PAX5: variants seen among roughly 807,000 people sequenced by gnomAD.
The protein encoded by PAX5 is paired box protein Pax-5.
A neutral mutation model predicts 43.7 loss-of-function variants in PAX5; 9 were observed. The observed-to-expected ratio is 0.21, with a 90% confidence interval of 0.12 to 0.36. The LOEUF (loss-of-function observed/expected upper bound fraction) is 0.36. Ranked by LOEUF, PAX5 falls within the 10% of genes least tolerant of loss-of-function variation. PAX5 has a pLI of 1.00. For missense variants in PAX5, 383 were observed against 532.7 expected (o/e 0.72, Z 2.77); for synonymous variants, 228 against 214.3 (o/e 1.06, Z -0.56).
chr9:36,962,867 A>G (rs558339135), intron 6 of PAX5, among the ~76,000 whole-genome samples: 7 of 152,148 alleles, frequency 4.6e-5, no homozygotes, highest in Non-Finnish European at 1.0e-4. Flanking sequence ...CTCCGCGGCC[A>G]GCACCTCAGG....
chr9:37,013,045 T>C (rs1196488540), intron 3 of PAX5, among the ~76,000 whole-genome samples: 2 of 151,976 alleles, frequency 1.3e-5, no homozygotes, highest in East Asian at 3.9e-4. Flanking sequence ...AGCCCAGGAG[T>C]TCGATACCAG....
At chr9:36,923,531 C>A in intron 6 of PAX5, 47 bp from the exon 7 acceptor site, 1 of 1,569,898 alleles carries the variant, frequency 6.4e-7, no homozygotes, top group Non-Finnish European at 8.6e-7. Context: ...TCCACAGTAC[C>A]TTAGTCAAAT....
intron 6 of PAX5, among the ~76,000 whole-genome samples, chr9:36,948,925 C>G (rs1345843447): frequency 1.3e-5 from 2 of 152,238 alleles, no homozygotes; most frequent in East Asian, 1.9e-4. Context: ...TCTGATGTGG[C>G]AGAACACTCC....
rs16933789 is a variant in PAX5 at position 36,946,696 on chromosome 9, C to T, written c.780+19853G>A. Among the ~76,000 whole-genome samples the T allele has an allele frequency of 4.5e-3, 685 of 152,316 alleles. 5 individuals are homozygous for T. Among genetic ancestry groups the T allele is most frequent in the African/African-American group, 0.015 (607 of 41,562 alleles). On this transcript the variant is annotated intron_variant, in intron 6 of 9. Transcript: ENST00000358127. ...AAAACTACGTGCTAGAGATAGGTTA[C>T]GGTCACCAGGACACTTTGCGGTTTA...
At chr9:36,899,247 C>A (rs1036597577) in intron 7 of PAX5, among the ~76,000 whole-genome samples, 1 of 152,240 alleles carries the variant, frequency 6.6e-6, no homozygotes, top group Non-Finnish European at 1.5e-5. Context: ...CCCCCACAGT[C>A]CCATGCTCCT....
At chr9:37,022,278 A>T (rs1466241778) in intron 1 of PAX5, among the ~76,000 whole-genome samples, 2 of 152,248 alleles carry the variant, frequency 1.3e-5, no homozygotes, top group Non-Finnish European at 2.9e-5. Context: ...TAAAAGACAT[A>T]AGAAAAAGGA....
intron 6 of PAX5, among the ~76,000 whole-genome samples, chr9:36,949,737 C>T (rs1046722989): frequency 1.3e-5 from 2 of 152,184 alleles, no homozygotes; most frequent in Non-Finnish European, 2.9e-5. Context: ...AGCACACCAC[C>T]GTCCTCTCCT....
At chr9:36,924,783 A>AAGGAAG (rs1830494374) in intron 6 of PAX5, among the ~76,000 whole-genome samples, 3 of 19,830 alleles carry the variant, frequency 1.5e-4, no homozygotes, top group Non-Finnish European at 2.7e-4. Flanking sequence ...AAGGAAGGAA[A>AAGGAAG]AGAGAAAGGG....
At chr9:36,859,426 TG>T (rs537139411) in intron 8 of PAX5, among the ~76,000 whole-genome samples, 109 of 152,264 alleles carry the variant, frequency 7.2e-4, no homozygotes, top group African/African-American at 2.5e-3. Flanking sequence ...TCGGCTCTCC[TG>T]GTCACTCCTC....
At chr9:36,965,596 G>T (rs1404577460) in intron 6 of PAX5, among the ~76,000 whole-genome samples, 1 of 152,208 alleles carries the variant, frequency 6.6e-6, no homozygotes, top group Non-Finnish European at 1.5e-5. Flanking sequence ...AGGCTACACT[G>T]CTTGGACTGA....
At chr9:36,867,989 C>T (rs1204675322) in intron 8 of PAX5, among the ~76,000 whole-genome samples, 1 of 152,174 alleles carries the variant, frequency 6.6e-6, no homozygotes, top group Admixed American at 6.5e-5. Context: ...GCGTTCCCGG[C>T]CCCGGGAGGA....
chr9:36,851,699 TG>T (rs965158789), intron 8 of PAX5, among the ~76,000 whole-genome samples: 2 of 152,114 alleles, frequency 1.3e-5, no homozygotes, highest in Non-Finnish European at 2.9e-5. Flanking sequence ...AAAGGCATGG[TG>T]GGGCCAGAGG....
intron 5 of PAX5, among the ~76,000 whole-genome samples, chr9:36,970,895 C>T (rs1834878955): frequency 6.6e-6 from 1 of 152,198 alleles, no homozygotes; most frequent in Non-Finnish European, 1.5e-5. Context: ...GTGCTATGAG[C>T]TACCTTCGGG....
chr9:36,857,853 G>A (rs1018162742), intron 8 of PAX5, among the ~76,000 whole-genome samples: 6 of 152,246 alleles, frequency 3.9e-5, no homozygotes, highest in East Asian at 1.9e-4. Flanking sequence ...GATACTGGCC[G>A]ATAAACCCAA....
chr9:37,027,597 G>A (rs1169867232), intron 1 of PAX5, among the ~76,000 whole-genome samples: 1 of 152,176 alleles, frequency 6.6e-6, no homozygotes, highest in Non-Finnish European at 1.5e-5. Context: ...GGCTCTGACT[G>A]CCTGCGTTGC....
chr9:36,887,880 G>A (rs1827033606), intron 7 of PAX5, among the ~76,000 whole-genome samples: 1 of 152,172 alleles, frequency 6.6e-6, no homozygotes, highest in Non-Finnish European at 1.5e-5. Flanking sequence ...TCATATGTCT[G>A]ATAAAGGACT....
chr9:36,859,480 C>T (rs1823988739), intron 8 of PAX5, among the ~76,000 whole-genome samples: 2 of 152,206 alleles, frequency 1.3e-5, no homozygotes, highest in African/African-American at 4.8e-5. Flanking sequence ...CTCCCCCTGC[C>T]AGCCTCAGGG....
At chr9:36,878,199 T>C (rs1267320156) in intron 8 of PAX5, among the ~76,000 whole-genome samples, 1 of 152,146 alleles carries the variant, frequency 6.6e-6, no homozygotes, top group Non-Finnish European at 1.5e-5. Context: ...GCCACCAGGT[T>C]TGGGGAGATT....
intron 7 of PAX5, among the ~76,000 whole-genome samples, chr9:36,896,524 A>T (rs971792453): frequency 1.3e-5 from 2 of 152,104 alleles, no homozygotes; most frequent in Non-Finnish European, 2.9e-5. Flanking sequence ...CATGCATTAA[A>T]TTGTGCTGCT....
Sources: allele counts gnomAD v4.1 joint callset (sites outside exome capture counted in the v4.1 genomes callset), GRCh38; gene constraint gnomAD v4.1.1; transcripts MANE v1.5; gene names NCBI Gene and HGNC (gene_info 2026-07-23, HGNC 2026-07-21).